Variants in SPMIP7 observed in about 807,000 individuals in gnomAD.
The protein encoded by SPMIP7 is sperm microtubule inner protein 7.
At chr7:50,155,838 A>G in the SPMIP7 span, among the ~76,000 whole-genome samples, 1 of 152,266 alleles carries the variant, frequency 6.6e-6, no homozygotes, top group Admixed American at 6.5e-5. Flanking sequence ...GGCCCTCACT[A>G]TACACACATA....
the SPMIP7 span, among the ~76,000 whole-genome samples, chr7:50,126,409 G>A: frequency 6.6e-6 from 1 of 151,382 alleles, no homozygotes; most frequent in African/African-American, 2.4e-5. Context: ...ACTTACCACA[G>A]TGAAAACTTC....
chr7:50,116,780 TA>T, the SPMIP7 span, among the ~76,000 whole-genome samples: 1 of 152,166 alleles, frequency 6.6e-6, no homozygotes, highest in Non-Finnish European at 1.5e-5. Context: ...GAATCAGAAA[TA>T]ACTAAGACTA....
At chr7:50,127,215 T>C in the SPMIP7 span, among the ~76,000 whole-genome samples, 246 of 152,160 alleles carry the variant, frequency 1.6e-3, 3 homozygotes, top group African/African-American at 5.5e-3. Flanking sequence ...AGCACAAGAA[T>C]GAAACTAGAC....
At chr7:50,126,791 T>C in the SPMIP7 span, among the ~76,000 whole-genome samples, 1 of 152,028 alleles carries the variant, frequency 6.6e-6, no homozygotes, top group Non-Finnish European at 1.5e-5. Flanking sequence ...TTGCTAGATA[T>C]AGCTTTGAAG....
At chr7:50,097,072 G>T in the SPMIP7 span, among the ~76,000 whole-genome samples, 3 of 152,138 alleles carry the variant, frequency 2.0e-5, no homozygotes, top group Non-Finnish European at 4.4e-5. Flanking sequence ...TACATTTTTT[G>T]GCTCCAATAA....
At chr7:50,099,028 C>A in the SPMIP7 span, among the ~76,000 whole-genome samples, 2 of 152,154 alleles carry the variant, frequency 1.3e-5, no homozygotes, top group African/African-American at 4.8e-5. Flanking sequence ...TGGCAACAAC[C>A]GTTATATCTT....
chr7:50,102,507 T>C, the SPMIP7 span, among the ~76,000 whole-genome samples: 1 of 152,166 alleles, frequency 6.6e-6, no homozygotes, highest in Non-Finnish European at 1.5e-5. Context: ...ACCCATATCC[T>C]ACTCATATGA....
the SPMIP7 span, among the ~76,000 whole-genome samples, chr7:50,127,718 C>T: frequency 2.7e-5 from 4 of 150,692 alleles, no homozygotes; most frequent in Admixed American, 6.7e-5. Context: ...TGAAAAAATG[C>T]TCAATATCAC....
the SPMIP7 span, among the ~76,000 whole-genome samples, chr7:50,111,509 A>G: frequency 6.6e-6 from 1 of 152,160 alleles, no homozygotes; most frequent in Non-Finnish European, 1.5e-5. Flanking sequence ...GGTGACAAAG[A>G]AAAGGGAAGA....
the SPMIP7 span, among the ~76,000 whole-genome samples, chr7:50,157,867 C>T: frequency 6.6e-6 from 1 of 151,066 alleles, no homozygotes; most frequent in African/African-American, 2.4e-5. Context: ...TAAAACTTCA[C>T]TTGCAAAGCA....
chr7:50,150,123 A>G, the SPMIP7 span, among the ~76,000 whole-genome samples: 2 of 152,108 alleles, frequency 1.3e-5, no homozygotes, highest in African/African-American at 4.8e-5. Flanking sequence ...AATTACTCCT[A>G]AGATAAGTGG....
At chr7:50,099,806 C>A in the SPMIP7 span, among the ~76,000 whole-genome samples, 1 of 152,130 alleles carries the variant, frequency 6.6e-6, no homozygotes, top group African/African-American at 2.4e-5. Flanking sequence ...CCTGGATCAA[C>A]TCTTGGATCT....
At chr7:50,120,578 A>G in the SPMIP7 span, among the ~76,000 whole-genome samples, 1 of 152,134 alleles carries the variant, frequency 6.6e-6, no homozygotes, top group Non-Finnish European at 1.5e-5. Context: ...GGTAGCCAAC[A>G]CTGCAATTCC....
At chr7:50,140,455 T>C in the SPMIP7 span, among the ~76,000 whole-genome samples, 3 of 152,150 alleles carry the variant, frequency 2.0e-5, no homozygotes, top group Non-Finnish European at 4.4e-5. Context: ...CCAAATACAT[T>C]ACCTTTTGAA....
the SPMIP7 span, among the ~76,000 whole-genome samples, chr7:50,125,115 T>TATATATATATATATATATATATATAC: frequency 2.0e-4 from 5 of 25,408 alleles, no homozygotes; most frequent in African/African-American, 1.0e-3. Flanking sequence ...TATATATATA[T>TATATATATATATATATATATATATAC]ACACACACAC....
At chr7:50,098,150 G>A in the SPMIP7 span, among the ~76,000 whole-genome samples, 1 of 152,086 alleles carries the variant, frequency 6.6e-6, no homozygotes, top group Admixed American at 6.6e-5. Context: ...ATACACACTG[G>A]TATGCTCTTC....
the SPMIP7 span, among the ~76,000 whole-genome samples, chr7:50,110,485 T>C: frequency 6.8e-6 from 1 of 146,540 alleles, no homozygotes; most frequent in East Asian, 1.9e-4. Flanking sequence ...TTATATATTA[T>C]ATTATGTGCT....
chr7:50,134,703 CTTA>C, the SPMIP7 span, among the ~76,000 whole-genome samples: 1 of 152,246 alleles, frequency 6.6e-6, no homozygotes, highest in African/African-American at 2.4e-5. Flanking sequence ...GATGTTGTCA[CTTA>C]TTATGTGATA....
chr7:50,107,117 A>G, the SPMIP7 span, among the ~76,000 whole-genome samples: 1 of 151,670 alleles, frequency 6.6e-6, no homozygotes, highest in Non-Finnish European at 1.5e-5. Flanking sequence ...CATGTCTGGG[A>G]GGTCAAGGCA....
Sources: gnomAD v4.1 joint callset for allele counts (sites outside exome capture counted in the v4.1 genomes callset) on GRCh38, gnomAD v4.1.1 for gene constraint, MANE v1.5 for transcripts, NCBI Gene and HGNC (gene_info 2026-07-23, HGNC 2026-07-21) for gene names.